Variants in PLPPR1 observed in about 807,000 individuals in gnomAD.
The protein encoded by PLPPR1 is phospholipid phosphatase related 1.
In PLPPR1, 10 loss-of-function variants were observed where a neutral mutation model predicts 33.1. That is an observed-to-expected ratio of 0.30 (90% CI 0.19 to 0.51). The LOEUF (loss-of-function observed/expected upper bound fraction) is 0.51, where lower values mean the gene tolerates loss of function less well. Among genes scored for constraint, PLPPR1 ranks in the 20% least tolerant of loss-of-function variants. The pLI, the probability that PLPPR1 is intolerant of heterozygous loss-of-function variation, is 0.97. For synonymous variants in PLPPR1, 151 were observed against 151.0 expected, an observed-to-expected ratio of 1.00 and a Z score of 0.00; for missense variants, 304 against 408.1, an observed-to-expected ratio of 0.74 and a Z score of 2.20.
At chr9:101,153,718 G>T (rs146442011) in intron 1 of PLPPR1, among the ~76,000 whole-genome samples, 14 of 151,910 alleles carry the variant, frequency 9.2e-5, no homozygotes, top group African/African-American at 3.4e-4. Flanking sequence ...GGGACTACAG[G>T]TGCCTGCCAC....
intron 1 of PLPPR1, among the ~76,000 whole-genome samples, chr9:101,073,483 T>TAAA (rs11443685): frequency 8.7e-5 from 13 of 149,610 alleles, no homozygotes; most frequent in African/African-American, 3.2e-4. Flanking sequence ...AATTTTATGC[T>TAAA]AAAAAAAAAA....
At chr9:101,197,087 C>T (rs1266423607) in intron 2 of PLPPR1, among the ~76,000 whole-genome samples, 3 of 152,120 alleles carry the variant, frequency 2.0e-5, no homozygotes, top group African/African-American at 7.2e-5. Flanking sequence ...CAGCTCTACA[C>T]AATTGCCAGG....
intron 2 of PLPPR1, among the ~76,000 whole-genome samples, chr9:101,205,524 G>A (rs150004370): frequency 1.2e-4 from 18 of 152,174 alleles, no homozygotes; most frequent in Admixed American, 3.3e-4. Flanking sequence ...TCTGAAAGTC[G>A]TTGTTATTTG....
chr9:101,136,450 C>T (rs945724925), intron 1 of PLPPR1, among the ~76,000 whole-genome samples: 1 of 152,200 alleles, frequency 6.6e-6, no homozygotes, highest in Non-Finnish European at 1.5e-5. Context: ...TGCCATTTAA[C>T]ACATGGTTTG....
intron 2 of PLPPR1, among the ~76,000 whole-genome samples, chr9:101,255,918 A>T (rs999202683): frequency 6.6e-6 from 1 of 152,200 alleles, no homozygotes; most frequent in Non-Finnish European, 1.5e-5. Context: ...ATAACTCCTT[A>T]TAACTTCACA....
At chr9:101,223,010 C>T (rs974609688) in intron 2 of PLPPR1, among the ~76,000 whole-genome samples, 4 of 151,710 alleles carry the variant, frequency 2.6e-5, no homozygotes, top group South Asian at 2.1e-4. Context: ...TATGAAGAAA[C>T]GCATTTAAGA....
intron 2 of PLPPR1, 196 bp from the exon 3 acceptor site, chr9:101,269,684 A>C: frequency 3.3e-6 from 2 of 603,842 alleles, no homozygotes; most frequent in Middle Eastern, 4.4e-4. Flanking sequence ...ATTTGCTGGA[A>C]GGTTTATAGA....
intron 1 of PLPPR1, among the ~76,000 whole-genome samples, chr9:101,178,252 T>A (rs112395442): frequency 0.21 from 32,481 of 152,156 alleles, 3,878 homozygotes; most frequent in African/African-American, 0.33. Flanking sequence ...GGGCTCAGCA[T>A]CATGGACTTC....
At chr9:101,300,015 T>C (rs1828721711) in intron 4 of PLPPR1, among the ~76,000 whole-genome samples, 1 of 152,104 alleles carries the variant, frequency 6.6e-6, no homozygotes, top group South Asian at 2.1e-4. Flanking sequence ...TTTTTAAGTA[T>C]ATTTCAAAGA....
chr9:101,305,390 A>T (rs1465184081), intron 4 of PLPPR1, among the ~76,000 whole-genome samples: 3 of 152,172 alleles, frequency 2.0e-5, no homozygotes, highest in African/African-American at 4.8e-5. Flanking sequence ...GTATGATTTT[A>T]GTGGACAATG....
chr9:101,184,012 T>G (rs138462218), intron 1 of PLPPR1, among the ~76,000 whole-genome samples: 5 of 151,804 alleles, frequency 3.3e-5, no homozygotes, highest in African/African-American at 7.2e-5. Flanking sequence ...CTAAGTAAAT[T>G]CTAAGATATT....
intron 4 of PLPPR1, among the ~76,000 whole-genome samples, chr9:101,308,775 G>A (rs752015838): frequency 2.4e-4 from 36 of 152,150 alleles, no homozygotes; most frequent in Non-Finnish European, 4.6e-4. Flanking sequence ...TAGAAGGAGA[G>A]AGAACTGATG....
intron 1 of PLPPR1, among the ~76,000 whole-genome samples, chr9:101,119,552 G>A (rs796297433): frequency 5.9e-5 from 9 of 152,312 alleles, no homozygotes; most frequent in African/African-American, 2.2e-4. Flanking sequence ...TAGATTCTTC[G>A]GAGAAAGATC....
Position 101,321,803 on chromosome 9 carries a change from A to G in PLPPR1, c.946-2222A>G, listed in dbSNP as rs10989472. Among the ~76,000 whole-genome samples, 180 of 148,264 alleles carry G rather than the reference A, an allele frequency of 1.2e-3. 1 individual carries two copies. In the East Asian group the frequency reaches 0.028, roughly 23 times the overall value. ...CACTAATATATATTTATATACATAT[A>G]TAAGTATATATATATGTTACATACA... On this transcript the variant is annotated intron_variant, in intron 7 of 7. Transcript: ENST00000374874.
At chr9:101,119,900 T>C (rs1046239401) in intron 1 of PLPPR1, among the ~76,000 whole-genome samples, 13 of 152,200 alleles carry the variant, frequency 8.5e-5, no homozygotes, top group Non-Finnish European at 1.6e-4. Context: ...CATACTCAAC[T>C]GTGGAGGCTA....
chr9:101,108,221 A>AAAT (rs775621165), intron 1 of PLPPR1, among the ~76,000 whole-genome samples: 3 of 152,094 alleles, frequency 2.0e-5, no homozygotes, highest in Admixed American at 1.3e-4. Context: ...ATGTTTTTGG[A>AAAT]AATAATAATA....
rs113452025 is a variant in PLPPR1, at chr9:101,224,288, G to A, written c.63+38731G>A. 1.2e-3 allele frequency among the ~76,000 whole-genome samples: 183 copies of A among 152,254 alleles called. 1 individual carries two copies. The highest frequency in any genetic ancestry group is 4.3e-3 in the African/African-American group (178 of 41,542). On this transcript the variant is annotated intron_variant, in intron 2 of 7. Transcript: ENST00000374874. Reference sequence around the variant, plus strand: ...TTTAAAGTGCTCTGCCAGAAAATAGGGGGGATGCCAGGATCATATCCAAAA... The same window carrying A: ...TTTAAAGTGCTCTGCCAGAAAATAGAGGGGATGCCAGGATCATATCCAAAA...
intron 1 of PLPPR1, among the ~76,000 whole-genome samples, chr9:101,035,052 G>C (rs1348923364): frequency 6.6e-6 from 1 of 152,108 alleles, no homozygotes; most frequent in Non-Finnish European, 1.5e-5. Context: ...GCACCTTCAG[G>C]CTCATAGGCA....
At chr9:101,309,529 T>A in intron 5 of PLPPR1, 68 bp downstream of exon 5, 1 of 1,529,042 alleles carries the variant, frequency 6.5e-7, no homozygotes. Flanking sequence ...CTGCCCTGTC[T>A]CCATTCTTTC....
Sources: allele counts gnomAD v4.1 joint callset (sites outside exome capture counted in the v4.1 genomes callset), GRCh38; gene constraint gnomAD v4.1.1; transcripts MANE v1.5; gene names NCBI Gene and HGNC (gene_info 2026-07-23, HGNC 2026-07-21).